Variants in EIF3G observed in about 807,000 individuals in gnomAD.
The protein encoded by EIF3G is eukaryotic translation initiation factor 3 RNA-binding subunit.
Under a neutral mutation model 41.7 loss-of-function variants are expected in EIF3G, and 10 were observed. The ratio of observed to expected loss-of-function variants is 0.24; its 90% CI spans 0.15 to 0.41. The LOEUF (loss-of-function observed/expected upper bound fraction) is 0.41. Among genes scored for constraint, EIF3G ranks in the 10% least tolerant of loss-of-function variants. EIF3G has a pLI of 1.00. For missense variants in EIF3G, 297 were observed against 444.0 expected (o/e 0.67, Z 2.98); for synonymous variants, 204 against 172.5 (o/e 1.18, Z -1.43).
rs1453363933 is a variant in EIF3G, at chr19:10,116,790, A to AC, written c.595+9dup. 6.4e-7 allele frequency: 1 copy of AC among 1,564,542 alleles called. No homozygotes were observed. Among genetic ancestry groups the AC allele is most frequent in the East Asian group, 2.3e-5 (1 of 44,258 alleles). ...CGTGCACTGACAGCAGGACCCTCCC[A>AC]CCCCCACACCTCCCGGCAGCTTCTC... On this transcript the variant is annotated intron_variant, in intron 7 of 10. Coordinates refer to ENST00000253108, the MANE Select transcript of EIF3G (RefSeq NM_003755.5). This position sits in a 1 kb window ranked among gnomAD's most constrained non-coding sequence, Gnocchi z 4.1.
At chr19:10,118,375 G>A (rs2089276689) in intron 5 of EIF3G, 1 of 382,258 alleles carries the variant, frequency 2.6e-6, no homozygotes, top group East Asian at 6.4e-5. Flanking sequence ...AGACCAGCCT[G>A]GCCAACATGG....
chr19:10,115,101 A>G lies in EIF3G; in HGVS notation c.*13T>C, dbSNP rs7401. 0.43 allele frequency: 698,693 copies of G among 1,613,406 alleles called. 154,440 individuals are homozygous for G. Among genetic ancestry groups the G allele is most frequent in the Admixed American group, 0.49 (29,282 of 59,906 alleles). The stretch of plus-strand genomic sequence containing the variant: ...GCCAAGGGTCCCGGACCGAGTACAC[A>G]GTGGCAGCTGGCTTAGTTGGTGGAC... On this transcript the variant is annotated 3_prime_UTR_variant, in exon 11 of 11. Coordinates refer to ENST00000253108, the MANE Select transcript of EIF3G (RefSeq NM_003755.5).
At chr19:10,117,895 CAATT>C (rs779766432) in intron 5 of EIF3G, among the ~76,000 whole-genome samples, 5 of 151,590 alleles carry the variant, frequency 3.3e-5, no homozygotes, top group Non-Finnish European at 7.4e-5. Context: ...TCTCTACAAA[CAATT>C]AAAATTAGCC....
chr19:10,115,380 G>A (rs1395467109), intron 10 of EIF3G, 99 bp downstream of exon 10: 8 of 1,362,128 alleles, frequency 5.9e-6, no homozygotes, highest in Non-Finnish European at 8.1e-6. Flanking sequence ...CCAGCCGGGG[G>A]ACTGTTAAAT....
rs1404067111 is a variant in EIF3G at position 10,115,572 on chromosome 19, A to G, written c.854T>C (p.Ile285Thr). The change falls in exon 10 of 11, where the codon ATC (isoleucine) becomes ACC (threonine). Residue 285 changes from isoleucine (I) to threonine (T), a missense_variant. By Grantham distance (89) the Ile-to-Thr change is moderately conservative (BLOSUM62 -1). This residue lies in a region of EIF3G where 91 missense variants were observed against 170.5 expected (regional missense o/e 0.53). Coordinates refer to ENST00000253108, the MANE Select transcript of EIF3G (RefSeq NM_003755.5). ...AGCATCCTCGCGGCGGTGGAAGCTG[A>G]TGAAGGCAAAGCCCTGTGGAGGGGC... ...TTGQSKGFAF[I>T]SFHRREDAAR... 1 of 1,607,732 alleles carries G rather than the reference A, an allele frequency of 6.2e-7. No homozygotes were observed. Among genetic ancestry groups the G allele is most frequent in the African/African-American group, 1.3e-5 (1 of 74,638 alleles).
chr19:10,117,576 T>A lies in EIF3G; in HGVS notation c.301-388A>T, dbSNP rs140451856. 6.5e-4 allele frequency: 133 copies of A among 205,340 alleles called. 1 individual carries two copies. In the East Asian group the frequency reaches 0.013, roughly 20 times the overall value. 12.7% of individuals were successfully genotyped at this position (205,340 alleles called of 1,614,324 possible). ...TAAAACGGGAACCACAAAAGCTTCCTGCCTCCCTGGGCTCCTAAGGAGACT... is the reference window on the plus strand; with the variant it reads ...TAAAACGGGAACCACAAAAGCTTCCAGCCTCCCTGGGCTCCTAAGGAGACT... On this transcript the variant is annotated intron_variant, in intron 5 of 10. Transcript: ENST00000253108.
At chr19:10,119,376 C>T in intron 2 of EIF3G, 1 of 768,370 alleles carries the variant, frequency 1.3e-6, no homozygotes, top group Non-Finnish European at 2.2e-6. Context: ...AAGGTGGGTG[C>T]CAGGCCATGA....
At position 10,116,552 on chromosome 19, in the gene EIF3G, C is replaced by T; in HGVS notation, c.595+248G>A. On this transcript the variant is annotated intron_variant, in intron 7 of 10. Coordinates refer to ENST00000253108, the MANE Select transcript of EIF3G (RefSeq NM_003755.5). The surrounding 1 kb of genome is among the most constrained non-coding windows in gnomAD (Gnocchi z 4.1). ...ATGTGGGGTGGTCAGCACCCTGGGG[C>T]CGACAGACAGCAGCTCATCAGGACA... 1.9e-6 allele frequency: 1 copy of T among 525,114 alleles called. No homozygotes were observed. Among genetic ancestry groups the T allele is most frequent in the Non-Finnish European group, 3.4e-6 (1 of 295,084 alleles). 32.5% of individuals were successfully genotyped at this position (525,114 alleles called of 1,614,324 possible).
chr19:10,118,641 G>A (rs1216583623), intron 5 of EIF3G, 27 bp downstream of exon 5: 1 of 1,613,410 alleles, frequency 6.2e-7, no homozygotes, highest in Admixed American at 1.7e-5. Context: ...ATTCCTCTAG[G>A]TTAGCCCTGG....
chr19:10,115,197 G>A, intron 10 of EIF3G, 68 bp from the exon 11 acceptor site: 2 of 1,590,184 alleles, frequency 1.3e-6, no homozygotes, highest in Non-Finnish European at 1.7e-6. Flanking sequence ...CACCCAAGTG[G>A]CATCTTGGGG....
At position 10,116,503 on chromosome 19, in the gene EIF3G, C is replaced by T. The variant is rs1228665462; in HGVS notation, c.595+297G>A. ...CAGCCACAGGCATGCAACGGAGACA[C>T]TATACACACAGTGCGCACACACGAT... On this transcript the variant is annotated intron_variant, in intron 7 of 10. Transcript: ENST00000253108. The surrounding 1 kb of genome is among the most constrained non-coding windows in gnomAD (Gnocchi z 4.1). 5.8e-6 allele frequency: 3 copies of T among 512,966 alleles called. No homozygotes were observed. In the East Asian group the frequency reaches 9.8e-5, roughly 17 times the overall value. The allele number at this position is 512,966 out of a possible 1,614,324, so 31.8% of individuals were successfully genotyped here.
rs1296049039 is a variant in EIF3G at position 10,116,260 on chromosome 19, C to G, written c.596-186G>C. 2 of 620,108 alleles carry G rather than the reference C, an allele frequency of 3.2e-6. No homozygotes were observed. Among genetic ancestry groups the G allele is most frequent in the East Asian group, 2.8e-5 (1 of 35,952 alleles). The allele number at this position is 620,108 out of a possible 1,614,324, so 38.4% of individuals were successfully genotyped here. ...AAGCTGACACCATTTGAGCTCCCAG[C>G]CAGCGACACTGGTGGAGGAGGAGGA... On this transcript the variant is annotated intron_variant, in intron 7 of 10. Transcript: ENST00000253108. The surrounding 1 kb of genome is among the most constrained non-coding windows in gnomAD (Gnocchi z 4.1).
Position 10,115,951 on chromosome 19 carries a change from T to C in EIF3G, c.703+16A>G, listed in dbSNP as rs1599325261. On this transcript the variant is annotated intron_variant, in intron 8 of 10. Transcript: ENST00000253108. ...GAGGTGCCCACCCACCAGCCTGGCG[T>C]CGGGGTGCCCCTCACCTCTGCGGTT... 1.4e-6 allele frequency: 2 copies of C among 1,386,060 alleles called. No homozygotes were observed. The allele number at this position is 1,386,060 out of a possible 1,614,324, so 85.9% of individuals were successfully genotyped here. A position where few individuals can be genotyped will look rare whatever the true frequency, so the allele number is the denominator to read the frequency against.
At chr19:10,119,269 G>T in intron 2 of EIF3G, 98 bp from the exon 3 acceptor site, 1 of 1,364,512 alleles carries the variant, frequency 7.3e-7, no homozygotes, top group Non-Finnish European at 1.0e-6. Context: ...CAGCAAAAGC[G>T]GAGAAAGGCA....
At chr19:10,115,907 G>C in intron 8 of EIF3G, 60 bp downstream of exon 8, 3 of 1,605,478 alleles carry the variant, frequency 1.9e-6, no homozygotes, top group Non-Finnish European at 2.6e-6. Flanking sequence ...ACGCTTCGGG[G>C]ATAATTACGA....
chr19:10,118,855 C>A lies in EIF3G; in HGVS notation c.240+13G>T, dbSNP rs775214803. The A allele has an allele frequency of 1.9e-6, 3 of 1,613,164 alleles. No individual in the cohort carries two copies. The highest frequency in any genetic ancestry group is 1.7e-4 in the Middle Eastern group (1 of 6,058). On this transcript the variant is annotated intron_variant, in intron 4 of 10. Transcript: ENST00000253108. The stretch of plus-strand genomic sequence containing the variant: ...GCACAAGGGTCCCCACTCCCTGCAC[C>A]CCCCACCCTCACCTTGAACTTCTTG...
chr19:10,116,346 T>G lies in EIF3G; in HGVS notation c.596-272A>C. On this transcript the variant is annotated intron_variant, in intron 7 of 10. Transcript: ENST00000253108. The surrounding 1 kb of genome is among the most constrained non-coding windows in gnomAD (Gnocchi z 4.1). The stretch of plus-strand genomic sequence containing the variant: ...GGACAACAGGGGCAGCAGCCTCACA[T>G]GCACAGCAACGGCAGACATGGGACA... 2 of 553,672 alleles carry G rather than the reference T, an allele frequency of 3.6e-6. No individual in the cohort carries two copies. The highest frequency in any genetic ancestry group is 3.1e-5 in the East Asian group (1 of 32,606). 34.3% of individuals were successfully genotyped at this position (553,672 alleles called of 1,614,324 possible).
chr19:10,118,794 A>G, intron 4 of EIF3G, 67 bp from the exon 5 acceptor site: 1 of 1,608,164 alleles, frequency 6.2e-7, no homozygotes, highest in East Asian at 2.2e-5. Flanking sequence ...AACCTCCTCA[A>G]CACACCCCAC....
At chr19:10,119,356 C>T (rs112407609) in intron 2 of EIF3G, 185 bp from the exon 3 acceptor site, 34,202 of 792,614 alleles carry the variant, frequency 0.043, 906 homozygotes, top group Non-Finnish European at 0.056. Flanking sequence ...GATGGGAGAT[C>T]CCTCGTAGGA....
Sources: allele counts gnomAD v4.1 joint callset (sites outside exome capture counted in the v4.1 genomes callset), GRCh38; gene constraint gnomAD v4.1.1; regional missense constraint gnomAD v4.1.1; non-coding constraint Gnocchi (gnomAD v3.1); transcripts MANE v1.5; gene names NCBI Gene and HGNC (gene_info 2026-07-23, HGNC 2026-07-21).